Variants in BCLAF1 observed in about 807,000 individuals in gnomAD.
The protein encoded by BCLAF1 is BCL2 associated transcription factor 1, also known as bcl-2-associated transcription factor 1.
A neutral mutation model predicts 99.5 loss-of-function variants in BCLAF1; 10 were observed. The observed-to-expected ratio is 0.10, with a 90% CI of 0.06 to 0.17. BCLAF1 has a LOEUF of 0.17. Ranked by LOEUF, BCLAF1 falls within the 10% of genes least tolerant of loss-of-function variation. The pLI, the probability that BCLAF1 is intolerant of heterozygous loss-of-function variation, is 1.00. For missense variants in BCLAF1, 636 were observed against 1,105.8 expected, an observed-to-expected ratio of 0.58 and a Z score of 6.02; for synonymous variants, 255 against 370.9, an observed-to-expected ratio of 0.69 and a Z score of 3.59.
Position 136,276,096 on chromosome 6 carries a change from T to C in BCLAF1, c.1429A>G (p.Lys477Glu), listed in dbSNP as rs1352450880. 1 of 1,609,640 alleles carries C rather than the reference T, an allele frequency of 6.2e-7. No homozygotes were observed. The highest frequency in any genetic ancestry group is 2.2e-5 in the East Asian group (1 of 44,842). Residue 477 changes from lysine to glutamate, a missense_variant, in exon 5 of 13, where the codon AAG (lysine) becomes GAG (glutamate). By Grantham distance (56) the Lys-to-Glu change is moderately conservative. Around this residue, in one of 9 missense-constraint regions of BCLAF1, gnomAD observed 186 missense variants for 275.3 expected, o/e 0.68. Transcript: ENST00000531224. Reference protein sequence around the residue: ...VVERPSTTKDKHKEEDKNSER... With the variant: ...VVERPSTTKDEHKEEDKNSER... The stretch of plus-strand genomic sequence containing the variant: ...GAATTTTTGTCTTCTTCTTTGTGCT[T>C]ATCTTTTGTAGTGCTAGGCCTTTCC...
intron 6 of BCLAF1, chr6:136,274,177 CAT>C: frequency 7.8e-7 from 1 of 1,287,678 alleles, no homozygotes; most frequent in South Asian, 1.2e-5. Flanking sequence ...CATTTCAAAA[CAT>C]ATTCCAGGAC....
intron 1 of BCLAF1, among the ~76,000 whole-genome samples, chr6:136,283,938 C>T (rs1475651576): frequency 6.6e-6 from 1 of 151,778 alleles, no homozygotes; most frequent in East Asian, 1.9e-4. Context: ...AATATCAAAA[C>T]CCCAAGTGGC....
chr6:136,278,766 G>C lies in BCLAF1; in HGVS notation c.115C>G (p.Arg39Gly). 6.5e-7 allele frequency: 1 copy of C among 1,538,964 alleles called. No homozygotes were observed. Among genetic ancestry groups the C allele is most frequent in the Non-Finnish European group, 8.7e-7 (1 of 1,145,902 alleles). ...SRKKRYSSRS[R>G]SRTYSRSRSR... is the part of the protein sequence containing the mutation. Reference sequence around the variant, plus strand: ...CGAGACCTTGAATATGTTCTGGAACGAGACCTAGAACTAAAAATGAAATAA... The same window carrying C: ...CGAGACCTTGAATATGTTCTGGAACCAGACCTAGAACTAAAAATGAAATAA... The change falls in exon 4 of 13, where the codon CGT (arginine) becomes GGT (glycine). Residue 39 changes from arginine to glycine, a missense_variant. By Grantham distance (125) the Arg-to-Gly change is moderately radical (BLOSUM62 -2). This residue lies in a region of BCLAF1 where 81 missense variants were observed against 132.5 expected (regional missense o/e 0.61). Transcript: ENST00000531224.
chr6:136,289,733 T>G lies in BCLAF1; in HGVS notation c.-135A>C, dbSNP rs1431954290. On this transcript the variant is annotated 5_prime_UTR_variant, in exon 1 of 13. Coordinates refer to ENST00000531224, the MANE Select transcript of BCLAF1 (RefSeq NM_014739.3). The stretch of plus-strand genomic sequence containing the variant: ...CCTACCTGACACGCCGAATCGCGGT[T>G]CCGGGAATTTATCTCCGTTGCAACC... 4 of 152,736 alleles carry G rather than the reference T, an allele frequency of 2.6e-5. No individual in the cohort carries two copies. The highest frequency in any genetic ancestry group is 6.5e-5 in the Admixed American group (1 of 15,282). The allele number at this position is 152,736 out of a possible 1,614,324, so 9.5% of individuals were successfully genotyped here.
In BCLAF1 at chr6:136,269,619, AAGAC is replaced by A; in HGVS notation, c.2044-11_2044-8del. 3 of 1,577,840 alleles carry A rather than the reference AAGAC, an allele frequency of 1.9e-6. No homozygotes were observed. The highest frequency in any genetic ancestry group is 2.6e-6 in the Non-Finnish European group (3 of 1,167,878). On this transcript the variant is annotated splice_region_variant and splice_polypyrimidine_tract_variant and intron_variant, in intron 8 of 12. Coordinates refer to ENST00000531224, the MANE Select transcript of BCLAF1 (RefSeq NM_014739.3). Reference sequence around the variant, plus strand: ...ACCTTAATTTTTTATCTCCCTATAAAAGACAGATATAAAATACAGATTTCAGGGG... The same window carrying A: ...ACCTTAATTTTTTATCTCCCTATAAAAGATATAAAATACAGATTTCAGGGG...
intron 1 of BCLAF1, among the ~76,000 whole-genome samples, chr6:136,288,527 TTTG>T (rs1221346846): frequency 3.9e-5 from 6 of 152,226 alleles, no homozygotes; most frequent in African/African-American, 7.2e-5. Flanking sequence ...AACAAGAAAT[TTTG>T]TTTTGCTTTG....
intron 5 of BCLAF1, 42 bp downstream of exon 5, chr6:136,275,801 G>A (rs1783228834): frequency 6.3e-7 from 1 of 1,584,498 alleles, no homozygotes; most frequent in Non-Finnish European, 8.6e-7. Context: ...CTGGAATACT[G>A]ACTGCCCACA....
chr6:136,270,993 C>CA (rs953519679), intron 8 of BCLAF1, among the ~76,000 whole-genome samples: 19 of 150,566 alleles, frequency 1.3e-4, no homozygotes, highest in South Asian at 2.1e-4. Flanking sequence ...AATAACAGAA[C>CA]AAAAAAAAAC....
Position 136,269,451 on chromosome 6 carries a change from A to G in BCLAF1, c.2205T>C (p.Ser735=). The change falls in exon 9 of 13, where the codon TCT becomes TCC. Residue 735 remains serine, a synonymous_variant. Coordinates refer to ENST00000531224, the MANE Select transcript of BCLAF1 (RefSeq NM_014739.3). ...KTPKDYKEYK[S]YKDDSKHKRE... is the part of the protein sequence containing the mutation. ...TGAACAATTACCTGTCATCTTTGTA[A>G]GATTTGTATTCCTTGTAATCTTTTG... is the stretch of plus-strand genomic sequence containing the variant. The G allele has an allele frequency of 6.2e-7, 1 of 1,606,556 alleles. No individual in the cohort carries two copies. The highest frequency in any genetic ancestry group is 8.5e-7 in the Non-Finnish European group (1 of 1,177,236).
chr6:136,279,049 G>A (rs910701204), intron 3 of BCLAF1, among the ~76,000 whole-genome samples: 1 of 146,604 alleles, frequency 6.8e-6, no homozygotes, highest in African/African-American at 2.6e-5. Flanking sequence ...TATATCACAT[G>A]CATTAGGACA....
chr6:136,289,044 G>A (rs1785563293), intron 1 of BCLAF1, among the ~76,000 whole-genome samples: 1 of 152,114 alleles, frequency 6.6e-6, no homozygotes, highest in Admixed American at 6.5e-5. Flanking sequence ...GGTTGCCGCG[G>A]GTACCGAAAT....
chr6:136,274,243 T>A, intron 6 of BCLAF1: 2 of 995,284 alleles, frequency 2.0e-6, no homozygotes, highest in African/African-American at 1.7e-5. Flanking sequence ...CTATATAAAG[T>A]AAGAGCTGTT....
At chr6:136,275,427 A>C (rs778987900) in intron 6 of BCLAF1, 105 bp downstream of exon 6, 7 of 1,115,220 alleles carry the variant, frequency 6.3e-6, no homozygotes, top group Non-Finnish European at 8.5e-6. Context: ...TATTGGATGT[A>C]TATTTGCTAG....
At chr6:136,261,523 AGAT>A in intron 11 of BCLAF1, 46 bp from the exon 12 acceptor site, 1 of 1,551,360 alleles carries the variant, frequency 6.4e-7, no homozygotes, top group Non-Finnish European at 8.8e-7. Context: ...TTTCTTGTAA[AGAT>A]GATCATTTCT....
chr6:136,268,494 T>C, intron 9 of BCLAF1, 155 bp from the exon 10 acceptor site: 1 of 704,490 alleles, frequency 1.4e-6, no homozygotes, highest in South Asian at 1.8e-5. Flanking sequence ...TGACACAGTC[T>C]GTTTCCATTC....
At chr6:136,284,572 G>A (rs1784865486) in intron 1 of BCLAF1, among the ~76,000 whole-genome samples, 1 of 152,156 alleles carries the variant, frequency 6.6e-6, no homozygotes, top group Non-Finnish European at 1.5e-5. Flanking sequence ...TGTGCTAGGT[G>A]ACTTAAAGTA....
At chr6:136,277,729 A>G (rs1425246531) in intron 4 of BCLAF1, 136 bp downstream of exon 4, 38 of 1,141,568 alleles carry the variant, frequency 3.3e-5, no homozygotes, top group Non-Finnish European at 4.4e-5. Flanking sequence ...ACAATTTGGA[A>G]TTATCTTAAA....
At chr6:136,276,947 T>C (rs751256419) in intron 4 of BCLAF1, among the ~76,000 whole-genome samples, 1 of 152,204 alleles carries the variant, frequency 6.6e-6, no homozygotes, top group African/African-American at 2.4e-5. Flanking sequence ...TAATTACCAC[T>C]GCAGTAATTT....
Position 136,276,477 on chromosome 6 carries a change from G to T in BCLAF1, c.1048C>A (p.Leu350Ile). ...FTDEESRVFL[L>I]DRGNTRDKEA... ...TTATCCCTGGTATTACCCCTATCAAGCAGGAATACTCTAGACTCTTCATCT... is the reference window on the plus strand; with the variant it reads ...TTATCCCTGGTATTACCCCTATCAATCAGGAATACTCTAGACTCTTCATCT... Residue 350 changes from leucine (L) to isoleucine (I), a missense_variant, in exon 5 of 13, where the codon CTT becomes ATT. Leu to Ile is a conservative substitution (Grantham distance 5). Coordinates refer to ENST00000531224, the MANE Select transcript of BCLAF1 (RefSeq NM_014739.3). 1 of 1,557,776 alleles carries T rather than the reference G, an allele frequency of 6.4e-7. No homozygotes were observed. The highest frequency in any genetic ancestry group is 2.2e-5 in the East Asian group (1 of 44,666).
Sources: allele counts gnomAD v4.1 joint callset (sites outside exome capture counted in the v4.1 genomes callset), GRCh38; gene constraint gnomAD v4.1.1; regional missense constraint gnomAD v4.1.1; transcripts MANE v1.5; gene names NCBI Gene and HGNC (gene_info 2026-07-23, HGNC 2026-07-21).